The following ZFR variants were observed in gnomAD, a reference collection of about 807,000 sequenced individuals.
The protein encoded by ZFR is zinc finger RNA-binding protein.
A neutral mutation model predicts 130.7 loss-of-function variants in ZFR; 19 were observed. That is an observed-to-expected ratio of 0.15 (90% CI 0.10 to 0.21). The LOEUF is 0.21. ZFR is among the 10% of genes least tolerant of loss of function. The probability of loss-of-function intolerance (pLI) is 1.00; values close to 1 mark genes in which losing one functional copy is unlikely to be tolerated. For missense variants in ZFR, 872 were observed against 1,321.5 expected, an observed-to-expected ratio of 0.66 and a Z score of 5.27; for synonymous variants, 466 against 456.9, an observed-to-expected ratio of 1.02 and a Z score of -0.25.
intron 9 of ZFR, among the ~76,000 whole-genome samples, chr5:32,398,295 A>C (rs990685367): frequency 6.6e-6 from 1 of 152,230 alleles, no homozygotes; most frequent in Admixed American, 6.5e-5. Context: ...AACGACGAAT[A>C]ATAGCATTAT....
intron 4 of ZFR, among the ~76,000 whole-genome samples, chr5:32,415,592 T>C (rs1360847644): frequency 1.3e-5 from 2 of 151,952 alleles, no homozygotes; most frequent in Non-Finnish European, 2.9e-5. Context: ...TGAGTTACAA[T>C]GTACATATTT....
chr5:32,415,122 T>C lies in ZFR; in HGVS notation c.631A>G (p.Thr211Ala). The C allele has an allele frequency of 1.2e-6, 2 of 1,614,098 alleles. No individual in the cohort carries two copies. The highest frequency in any genetic ancestry group is 8.5e-7 in the Non-Finnish European group (1 of 1,179,992). ...CTTGGTGTGGCTGGTTTTATGGCTGTCACTTGTCGAGTTTGCTGGGCTTGA... is the reference window on the plus strand; with the variant it reads ...CTTGGTGTGGCTGGTTTTATGGCTGCCACTTGTCGAGTTTGCTGGGCTTGA... ...YTQAQQTRQV[T>A]AIKPATPSPA... Residue 211 changes from threonine (T) to alanine (A), a missense_variant, in exon 5 of 20, where the codon ACA becomes GCA. Around this residue, in one of 7 missense-constraint regions of ZFR, gnomAD observed 240 missense variants for 441.2 expected, o/e 0.54. Coordinates refer to ENST00000265069, the MANE Select transcript of ZFR (RefSeq NM_016107.5).
At chr5:32,413,784 A>C (rs188195193) in intron 5 of ZFR, among the ~76,000 whole-genome samples, 12 of 152,356 alleles carry the variant, frequency 7.9e-5, no homozygotes, top group Admixed American at 3.3e-4. Flanking sequence ...TAAATGACAG[A>C]TCTAGGAATC....
At chr5:32,430,406 C>A (rs1359707776) in intron 2 of ZFR, among the ~76,000 whole-genome samples, 1 of 146,490 alleles carries the variant, frequency 6.8e-6, no homozygotes, top group Admixed American at 6.7e-5. Flanking sequence ...TAAAAATTAC[C>A]CAGAATGCAC....
chr5:32,429,361 A>G (rs1215432695), intron 2 of ZFR, among the ~76,000 whole-genome samples: 1 of 152,198 alleles, frequency 6.6e-6, no homozygotes, highest in African/African-American at 2.4e-5. Context: ...AAAGAAGAGA[A>G]AAGACTTTCC....
chr5:32,371,031 G>A (rs1752659035), intron 17 of ZFR, among the ~76,000 whole-genome samples: 1 of 152,154 alleles, frequency 6.6e-6, no homozygotes, highest in South Asian at 2.1e-4. Context: ...TATGACAATA[G>A]CACAGACAGA....
chr5:32,405,357 G>A (rs1276101537), intron 6 of ZFR, among the ~76,000 whole-genome samples: 3 of 152,082 alleles, frequency 2.0e-5, no homozygotes, highest in Admixed American at 1.3e-4. Context: ...TCTTATGTAC[G>A]CATCTAGAAC....
At chr5:32,403,875 G>C in intron 7 of ZFR, 31 bp downstream of exon 7, 1 of 1,539,110 alleles carries the variant, frequency 6.5e-7, no homozygotes, top group Non-Finnish European at 8.8e-7. Context: ...CAGAATCAAG[G>C]CATAAGGGTG....
intron 3 of ZFR, among the ~76,000 whole-genome samples, chr5:32,418,973 G>A (rs556206478): frequency 6.6e-6 from 1 of 152,210 alleles, no homozygotes; most frequent in Non-Finnish European, 1.5e-5. Flanking sequence ...ATGAATAAGG[G>A]CATGATCAAT....
chr5:32,418,378 A>T (rs989101251), intron 3 of ZFR, among the ~76,000 whole-genome samples: 15 of 152,264 alleles, frequency 9.9e-5, no homozygotes, highest in African/African-American at 3.6e-4. Context: ...TAATTTTATT[A>T]AAAAAGTCAC....
chr5:32,375,601 G>T (rs1354772241), intron 17 of ZFR, among the ~76,000 whole-genome samples: 1 of 152,030 alleles, frequency 6.6e-6, no homozygotes, highest in African/African-American at 2.4e-5. Flanking sequence ...ACTTGACCTG[G>T]GCTCAATAGA....
intron 15 of ZFR, among the ~76,000 whole-genome samples, chr5:32,383,179 A>C (rs1267173725): frequency 6.6e-6 from 1 of 152,240 alleles, no homozygotes; most frequent in African/African-American, 2.4e-5. Flanking sequence ...CAAAACAAAC[A>C]AAACAGCCAC....
chr5:32,387,451 T>C, intron 14 of ZFR, 98 bp downstream of exon 14: 1 of 1,431,664 alleles, frequency 7.0e-7, no homozygotes, highest in Non-Finnish European at 9.4e-7. Context: ...AGCCAAAATT[T>C]TAAAGGCTGG....
intron 2 of ZFR, among the ~76,000 whole-genome samples, chr5:32,432,124 T>G (rs2111855421): frequency 6.6e-6 from 1 of 152,100 alleles, no homozygotes; most frequent in East Asian, 1.9e-4. Context: ...CCTGAGTAGC[T>G]GGGACCACAG....
chr5:32,430,519 A>G (rs535626789), intron 2 of ZFR, among the ~76,000 whole-genome samples: 1 of 152,294 alleles, frequency 6.6e-6, no homozygotes, highest in African/African-American at 2.4e-5. Flanking sequence ...AAATGGAGAG[A>G]AAGACTAGGA....
At chr5:32,419,130 G>C (rs1753896861) in intron 3 of ZFR, among the ~76,000 whole-genome samples, 2 of 152,196 alleles carry the variant, frequency 1.3e-5, no homozygotes, top group Non-Finnish European at 2.9e-5. Context: ...AGACATACCT[G>C]TGTTCCAGAT....
At chr5:32,411,777 C>G (rs1753719438) in intron 5 of ZFR, among the ~76,000 whole-genome samples, 1 of 148,238 alleles carries the variant, frequency 6.7e-6, no homozygotes, top group Admixed American at 6.7e-5. Flanking sequence ...ATATATAGCA[C>G]TTACATGGTA....
intron 5 of ZFR, among the ~76,000 whole-genome samples, chr5:32,411,085 T>G (rs774883914): frequency 2.0e-5 from 3 of 152,208 alleles, no homozygotes; most frequent in Non-Finnish European, 2.9e-5. Flanking sequence ...TTGTGGCCAT[T>G]AGAATGGTTT....
intron 19 of ZFR, among the ~76,000 whole-genome samples, chr5:32,360,659 A>AT (rs928904643): frequency 2.0e-5 from 3 of 152,026 alleles, no homozygotes; most frequent in Admixed American, 1.3e-4. Context: ...GTGGGGACAT[A>AT]TTTTTTTCAA....
Sources: allele counts gnomAD v4.1 joint callset (sites outside exome capture counted in the v4.1 genomes callset), GRCh38; gene constraint gnomAD v4.1.1; regional missense constraint gnomAD v4.1.1; transcripts MANE v1.5; gene names NCBI Gene and HGNC (gene_info 2026-07-23, HGNC 2026-07-21).